The following PRKCB variants were observed in gnomAD, a reference collection of about 807,000 sequenced individuals.
PRKCB encodes protein kinase C beta.
A neutral mutation model predicts 81.5 loss-of-function variants in PRKCB; 13 were observed. The ratio of observed to expected loss-of-function variants is 0.16; its 90% CI spans 0.10 to 0.25. The LOEUF (loss-of-function observed/expected upper bound fraction) is 0.25, where lower values mean the gene tolerates loss of function less well. PRKCB is among the 10% of genes least tolerant of loss of function. PRKCB has a pLI of 1.00. For synonymous variants in PRKCB, 335 were observed against 321.4 expected (o/e 1.04, Z -0.45); for missense variants, 509 against 875.7 (o/e 0.58, Z 5.29).
At chr16:24,133,898 A>T (rs1236395814) in intron 9 of PRKCB, among the ~76,000 whole-genome samples, 18 of 141,360 alleles carry the variant, frequency 1.3e-4, no homozygotes, top group South Asian at 2.3e-4. Context: ...CCTAGTTTAA[A>T]TTTTTTTTTT....
intron 13 of PRKCB, 82 bp from the exon 14 acceptor site, chr16:24,185,026 CCTT>C (rs1967681888): frequency 8.9e-7 from 1 of 1,129,136 alleles, no homozygotes; most frequent in South Asian, 1.2e-5. Flanking sequence ...TGGGCACTGG[CCTT>C]CTTGTAAAAG....
intron 10 of PRKCB, among the ~76,000 whole-genome samples, chr16:24,161,529 C>T (rs1336283799): frequency 6.6e-6 from 1 of 151,900 alleles, no homozygotes; most frequent in Non-Finnish European, 1.5e-5. Context: ...TAATGTACCA[C>T]AAGATGGCAA....
At chr16:23,884,682 A>T (rs1597227682) in intron 2 of PRKCB, among the ~76,000 whole-genome samples, 2 of 151,964 alleles carry the variant, frequency 1.3e-5, no homozygotes, top group African/African-American at 4.8e-5. Context: ...CTACAGGAAC[A>T]CACCACCATG....
At chr16:24,162,749 C>T (rs1291386155) in intron 10 of PRKCB, among the ~76,000 whole-genome samples, 2 of 152,118 alleles carry the variant, frequency 1.3e-5, no homozygotes, top group African/African-American at 4.8e-5. Flanking sequence ...CCACCGCGCC[C>T]AGCCTGGAGA....
intron 3 of PRKCB, among the ~76,000 whole-genome samples, chr16:24,023,228 T>C (rs1224912943): frequency 6.6e-6 from 1 of 152,178 alleles, no homozygotes; most frequent in Non-Finnish European, 1.5e-5. Context: ...AGCTGCATCT[T>C]TGAATGCGAT....
intron 16 of PRKCB, among the ~76,000 whole-genome samples, chr16:24,194,327 AAAAC>A (rs759849431): frequency 1.1e-3 from 171 of 152,200 alleles, no homozygotes; most frequent in African/African-American, 3.7e-3. Flanking sequence ...CTCCGTCTCA[AAAAC>A]AAACAAACAA....
intron 15 of PRKCB, among the ~76,000 whole-genome samples, chr16:24,188,463 G>C (rs1967738901): frequency 6.6e-6 from 1 of 152,122 alleles, no homozygotes; most frequent in Non-Finnish European, 1.5e-5. Context: ...TGTTTTTGCA[G>C]TACCTTTTCT....
At chr16:23,842,821 G>A (rs1962289953) in intron 2 of PRKCB, among the ~76,000 whole-genome samples, 1 of 152,004 alleles carries the variant, frequency 6.6e-6, no homozygotes. Context: ...GTTTATTTTA[G>A]TGTGTAATTA....
At chr16:23,981,451 AT>A (rs1964701104) in intron 2 of PRKCB, among the ~76,000 whole-genome samples, 1 of 151,918 alleles carries the variant, frequency 6.6e-6, no homozygotes, top group African/African-American at 2.4e-5. Flanking sequence ...CATGTAAGTA[AT>A]ATATTCACAG....
chr16:23,992,339 G>A (rs550405938), intron 3 of PRKCB, among the ~76,000 whole-genome samples: 441 of 152,248 alleles, frequency 2.9e-3, no homozygotes, highest in African/African-American at 0.01. Context: ...TTTGGTAATT[G>A]GCTGCCAAAT....
chr16:24,131,251 A>G (rs539547882), intron 9 of PRKCB, among the ~76,000 whole-genome samples: 2 of 152,224 alleles, frequency 1.3e-5, no homozygotes, highest in South Asian at 2.1e-4. Flanking sequence ...TGAATCTAAG[A>G]TGATCTAAAA....
At chr16:23,842,846 G>C (rs1962290420) in intron 2 of PRKCB, among the ~76,000 whole-genome samples, 1 of 152,058 alleles carries the variant, frequency 6.6e-6, no homozygotes. Context: ...ATGTAGACTA[G>C]AAAAGTTTGC....
intron 5 of PRKCB, among the ~76,000 whole-genome samples, chr16:24,077,525 T>C (rs1427744465): frequency 1.3e-5 from 2 of 148,918 alleles, no homozygotes; most frequent in African/African-American, 5.2e-5. Context: ...ATCCAGTTCA[T>C]ACATTCATCC....
intron 5 of PRKCB, among the ~76,000 whole-genome samples, chr16:24,065,113 T>C (rs1480359186): frequency 6.7e-6 from 1 of 150,002 alleles, no homozygotes; most frequent in Non-Finnish European, 1.5e-5. Flanking sequence ...TAGCCTTACA[T>C]TTAGAGTGTG....
chr16:23,860,122 T>C (rs576701264), intron 2 of PRKCB, among the ~76,000 whole-genome samples: 3 of 152,286 alleles, frequency 2.0e-5, no homozygotes, highest in African/African-American at 7.2e-5. Context: ...TTTCTTATCC[T>C]TAGCTTCTTC....
At chr16:23,862,880 A>T (rs72777936) in intron 2 of PRKCB, among the ~76,000 whole-genome samples, 27,519 of 151,988 alleles carry the variant, frequency 0.18, 2,945 homozygotes, top group East Asian at 0.33. Context: ...GAACAGATTG[A>T]TAATGTTTAC....
chr16:23,902,989 CTTTTTTT>C (rs71988386), intron 2 of PRKCB, among the ~76,000 whole-genome samples: 2 of 139,032 alleles, frequency 1.4e-5, no homozygotes, highest in Non-Finnish European at 3.0e-5. Flanking sequence ...TTTTTCTTTT[CTTTTTTT>C]TTTTTTTTCC....
intron 16 of PRKCB, among the ~76,000 whole-genome samples, chr16:24,196,112 A>G (rs1268537379): frequency 6.6e-6 from 1 of 152,126 alleles, no homozygotes; most frequent in Non-Finnish European, 1.5e-5. Context: ...CTGTAATAAC[A>G]TGTTCAATCT....
chr16:23,921,834 A>G (rs1447629490), intron 2 of PRKCB, among the ~76,000 whole-genome samples: 3 of 152,218 alleles, frequency 2.0e-5, no homozygotes, highest in Non-Finnish European at 2.9e-5. Context: ...CTCATATCAC[A>G]ATAATGCCAG....
Sources: allele counts gnomAD v4.1 joint callset (sites outside exome capture counted in the v4.1 genomes callset), GRCh38; gene constraint gnomAD v4.1.1; transcripts MANE v1.5; gene names NCBI Gene and HGNC (gene_info 2026-07-23, HGNC 2026-07-21).